Variants in CDKN2B-AS1 observed in about 807,000 individuals in gnomAD.
The protein encoded by CDKN2B-AS1 is CDKN2B antisense RNA 1 (non-protein coding).
chr9:22,065,023 C>G (rs1310666349), intron 4 of CDKN2B-AS1, among the ~76,000 whole-genome samples: 2 of 152,158 alleles, frequency 1.3e-5, no homozygotes, highest in East Asian at 3.8e-4. Flanking sequence ...TTCACTGTAT[C>G]TGTAACACAT....
chr9:22,060,599 C>T (rs1051200914), intron 4 of CDKN2B-AS1, among the ~76,000 whole-genome samples: 2 of 152,252 alleles, frequency 1.3e-5, no homozygotes, highest in Admixed American at 1.3e-4. Flanking sequence ...TCCAAAGTCA[C>T]TTCCACATTT....
At chr9:22,085,280 G>T (rs1824829291) in intron 4 of CDKN2B-AS1, among the ~76,000 whole-genome samples, 2 of 152,116 alleles carry the variant, frequency 1.3e-5, no homozygotes, top group South Asian at 4.1e-4. Flanking sequence ...TCACCTAACT[G>T]GGAAAAAGCA....
In CDKN2B-AS1 at chr9:22,006,726, A is replaced by T. The variant is rs998851404; in HGVS notation, n.29+11565A>T. 6.6e-6 allele frequency among the ~76,000 whole-genome samples: 1 copy of T among 152,066 alleles called. No individual in the cohort carries two copies. Among genetic ancestry groups the T allele is most frequent in the Non-Finnish European group, 1.5e-5 (1 of 68,020 alleles). On this transcript the variant is annotated intron_variant and non_coding_transcript_variant, in intron 1 of 4. Transcript: ENST00000650946. This position sits in a 1 kb window ranked among gnomAD's most constrained non-coding sequence, Gnocchi z 6.4. ...GAAGTTGGGAGTAATGGTTTAGGGG[A>T]GAAAATAAACAACTAAGTTTTTTTC...
chr9:22,018,914 A>C (rs923870803), intron 1 of CDKN2B-AS1, among the ~76,000 whole-genome samples: 3 of 152,262 alleles, frequency 2.0e-5, no homozygotes, highest in African/African-American at 7.2e-5. Context: ...TGGTAAGTGC[A>C]TAGTGAGAGA....
intron 1 of CDKN2B-AS1, among the ~76,000 whole-genome samples, chr9:22,044,012 G>A (rs1435962052): frequency 1.3e-5 from 2 of 151,880 alleles, no homozygotes; most frequent in Non-Finnish European, 2.9e-5. Context: ...AGGACTTTAC[G>A]TATGTCATTT....
chr9:22,072,549 ATCAG>A (rs1824338864), intron 4 of CDKN2B-AS1, among the ~76,000 whole-genome samples: 3 of 152,190 alleles, frequency 2.0e-5, no homozygotes, highest in Non-Finnish European at 2.9e-5. Context: ...TAGTTTTGTC[ATCAG>A]TCAAAGGGGA....
intron 4 of CDKN2B-AS1, among the ~76,000 whole-genome samples, chr9:22,078,128 A>G (rs1224435060): frequency 6.6e-6 from 1 of 151,984 alleles, no homozygotes; most frequent in East Asian, 1.9e-4. Flanking sequence ...TATATTTCTT[A>G]TAGTGTCTTG....
intron 4 of CDKN2B-AS1, among the ~76,000 whole-genome samples, chr9:22,105,814 T>TA (rs72652495): frequency 6.6e-6 from 1 of 152,364 alleles, no homozygotes; most frequent in African/African-American, 2.4e-5. Flanking sequence ...AGTGTAGTCA[T>TA]AAAAAACAGA....
intron 1 of CDKN2B-AS1, among the ~76,000 whole-genome samples, chr9:22,012,988 AAAC>A (rs1211869930): frequency 6.6e-6 from 1 of 152,220 alleles, no homozygotes; most frequent in Non-Finnish European, 1.5e-5. Flanking sequence ...TGAGTAGCTT[AAAC>A]AACAAATATT....
chr9:22,041,994 C>T (rs1023136236), intron 1 of CDKN2B-AS1, among the ~76,000 whole-genome samples: 31 of 152,108 alleles, frequency 2.0e-4, no homozygotes, highest in African/African-American at 7.5e-4. Flanking sequence ...AGCAGTCACA[C>T]TGTTCTGGGA....
At chr9:22,126,219 C>G (rs1818021712) in intron 4 of CDKN2B-AS1, among the ~76,000 whole-genome samples, 1 of 152,142 alleles carries the variant, frequency 6.6e-6, no homozygotes, top group Non-Finnish European at 1.5e-5. Context: ...CCTTGAAGTT[C>G]CAACCTATGT....
chr9:22,055,021 G>A (rs1220066437), intron 3 of CDKN2B-AS1, among the ~76,000 whole-genome samples: 1 of 152,046 alleles, frequency 6.6e-6, no homozygotes, highest in Non-Finnish European at 1.5e-5. Flanking sequence ...CAAAGTGCTG[G>A]GATTTACAGG....
intron 4 of CDKN2B-AS1, among the ~76,000 whole-genome samples, chr9:22,122,370 T>C (rs1460003618): frequency 2.3e-4 from 35 of 152,200 alleles, no homozygotes; most frequent in Non-Finnish European, 2.9e-5. Context: ...TGTTGATTAC[T>C]TCCTTTGCTG....
chr9:22,009,674 A>G (rs1043997883), intron 1 of CDKN2B-AS1, among the ~76,000 whole-genome samples: 1 of 152,204 alleles, frequency 6.6e-6, no homozygotes, highest in Non-Finnish European at 1.5e-5. Context: ...TGTGACCGAG[A>G]GAAAGTCATT....
chr9:22,063,706 T>C (rs559034291), intron 4 of CDKN2B-AS1, among the ~76,000 whole-genome samples: 77 of 152,300 alleles, frequency 5.1e-4, no homozygotes, highest in African/African-American at 1.7e-3. Flanking sequence ...TCTTCAACTC[T>C]TTCTTCAACT....
chr9:22,091,867 G>C (rs974854170), intron 4 of CDKN2B-AS1, among the ~76,000 whole-genome samples: 2 of 152,184 alleles, frequency 1.3e-5, no homozygotes, highest in Non-Finnish European at 2.9e-5. Flanking sequence ...ATGTTGAATA[G>C]GAGTGGTGAG....
At chr9:22,083,408 C>T (rs1280227150) in intron 4 of CDKN2B-AS1, among the ~76,000 whole-genome samples, 2 of 152,070 alleles carry the variant, frequency 1.3e-5, no homozygotes, top group African/African-American at 4.8e-5. Flanking sequence ...AAGAATGCTA[C>T]CGCTGGGACA....
At chr9:22,018,830 C>T (rs1383205179) in intron 1 of CDKN2B-AS1, among the ~76,000 whole-genome samples, 2 of 151,958 alleles carry the variant, frequency 1.3e-5, no homozygotes, top group African/African-American at 2.4e-5. Flanking sequence ...AATATTGAGC[C>T]CCCCCAATAA....
At chr9:22,027,721 A>G (rs1340726908) in intron 1 of CDKN2B-AS1, among the ~76,000 whole-genome samples, 1 of 152,208 alleles carries the variant, frequency 6.6e-6, no homozygotes, top group East Asian at 1.9e-4. Flanking sequence ...CATCCGTGAC[A>G]AAGAGTAAAA....
Sources: gnomAD v4.1 joint callset for allele counts (sites outside exome capture counted in the v4.1 genomes callset) on GRCh38, gnomAD v4.1.1 for gene constraint, Gnocchi (gnomAD v3.1) non-coding constraint, MANE v1.5 for transcripts, NCBI Gene and HGNC (gene_info 2026-07-23, HGNC 2026-07-21) for gene names.